BRINP3: variants seen among roughly 807,000 people sequenced by gnomAD.
The protein encoded by BRINP3 is BMP/retinoic acid-inducible neural-specific protein 3.
BRINP3 carries 19 observed loss-of-function variants against 71.0 expected under a neutral mutation model. The ratio of observed to expected loss-of-function variants is 0.27; its 90% CI spans 0.19 to 0.39. The LOEUF is 0.39. BRINP3 is among the 10% of genes least tolerant of loss of function. BRINP3 has a pLI of 1.00. For synonymous variants in BRINP3, 380 were observed against 337.7 expected (o/e 1.13, Z -1.37); for missense variants, 959 against 940.8 (o/e 1.02, Z -0.25).
intron 6 of BRINP3, among the ~76,000 whole-genome samples, chr1:190,170,146 T>A (rs1281646994): frequency 6.6e-6 from 1 of 152,160 alleles, no homozygotes; most frequent in Non-Finnish European, 1.5e-5. Flanking sequence ...AATATTATCA[T>A]ATTCAATCTC....
At chr1:190,341,841 T>A (rs1667678137) in intron 2 of BRINP3, among the ~76,000 whole-genome samples, 1 of 151,894 alleles carries the variant, frequency 6.6e-6, no homozygotes, top group Admixed American at 6.6e-5. Context: ...TGCAGTGTAT[T>A]TGTTTCCTGT....
chr1:190,288,631 T>C (rs1196076154), intron 2 of BRINP3, among the ~76,000 whole-genome samples: 1 of 152,014 alleles, frequency 6.6e-6, no homozygotes, highest in Admixed American at 6.6e-5. Flanking sequence ...GTAAAATTTG[T>C]AAAACTTAAC....
intron 2 of BRINP3, among the ~76,000 whole-genome samples, chr1:190,357,784 A>G (rs1668834876): frequency 6.6e-6 from 1 of 151,988 alleles, no homozygotes; most frequent in Non-Finnish European, 1.5e-5. Context: ...CACGATATTG[A>G]TTCTTCCTAT....
chr1:190,179,960 C>A (rs1652884241), intron 6 of BRINP3, among the ~76,000 whole-genome samples: 1 of 152,082 alleles, frequency 6.6e-6, no homozygotes, highest in African/African-American at 2.4e-5. Context: ...TGGGTTTGTA[C>A]TACTCATTTT....
intron 7 of BRINP3, among the ~76,000 whole-genome samples, chr1:190,159,825 A>C (rs536737436): frequency 8.4e-4 from 128 of 152,158 alleles, no homozygotes; most frequent in Non-Finnish European, 1.4e-3. Flanking sequence ...AACCAACCAA[A>C]CAAACAAAAA....
At chr1:190,221,216 TCAAA>T (rs977841311) in intron 6 of BRINP3, among the ~76,000 whole-genome samples, 1 of 152,082 alleles carries the variant, frequency 6.6e-6, no homozygotes. Context: ...AGACTCCATC[TCAAA>T]CAAACAAACA....
rs542140064 is a variant in BRINP3, at chr1:190,296,860, T to A, written c.237-15110A>T. ...TAAATTTAACCAAATAAGTAAAAAA[T>A]TTGTACACTGGAAATCATAAGGCAC... On this transcript the variant is annotated intron_variant, in intron 2 of 7. Transcript: ENST00000367462. Among the ~76,000 whole-genome samples the A allele has an allele frequency of 8.8e-4, 134 of 151,902 alleles. 1 individual carries two copies. Among genetic ancestry groups the A allele is most frequent in the African/African-American group, 3.1e-3 (130 of 41,446 alleles).
Position 190,098,037 on chromosome 1 carries a change from G to C in BRINP3, c.2282C>G (p.Thr761Arg). Reference protein sequence around the residue: ...AKLPNTMDYDTTKLCS With the variant: ...AKLPNTMDYDRTKLCS Reference sequence around the variant, plus strand: ...TTATGGTTAACTACATAATTTGGTCGTGTCATAATCCATTGTGTTTGGCAA... The same window carrying C: ...TTATGGTTAACTACATAATTTGGTCCTGTCATAATCCATTGTGTTTGGCAA... Residue 761 changes from threonine to arginine, a missense_variant, in exon 8 of 8, where the codon ACG becomes AGG. Coordinates refer to ENST00000367462, the MANE Select transcript of BRINP3 (RefSeq NM_199051.3). The C allele has an allele frequency of 6.2e-7, 1 of 1,605,958 alleles. No individual in the cohort carries two copies. The highest frequency in any genetic ancestry group is 8.5e-7 in the Non-Finnish European group (1 of 1,176,170).
chr1:190,356,289 C>G (rs933731159), intron 2 of BRINP3, among the ~76,000 whole-genome samples: 1 of 151,886 alleles, frequency 6.6e-6, no homozygotes, highest in Admixed American at 6.6e-5. Flanking sequence ...TAACTATCCT[C>G]TTTTGTAGTC....
intron 2 of BRINP3, among the ~76,000 whole-genome samples, chr1:190,374,277 G>T (rs1300224371): frequency 2.0e-5 from 3 of 151,986 alleles, no homozygotes; most frequent in Admixed American, 6.6e-5. Context: ...TTTGTGAAAA[G>T]AAATCTATCT....
chr1:190,219,789 G>A (rs1175070411), intron 6 of BRINP3, among the ~76,000 whole-genome samples: 1 of 151,284 alleles, frequency 6.6e-6, no homozygotes, highest in Non-Finnish European at 1.5e-5. Flanking sequence ...AGTGAGCCAA[G>A]ATCTCACCAC....
At chr1:190,356,008 C>T (rs542233596) in intron 2 of BRINP3, among the ~76,000 whole-genome samples, 3 of 152,030 alleles carry the variant, frequency 2.0e-5, no homozygotes, top group South Asian at 2.1e-4. Context: ...GCTATATATT[C>T]GCCTACATGT....
chr1:190,407,811 A>C (rs1210713932), intron 2 of BRINP3, among the ~76,000 whole-genome samples: 1 of 152,142 alleles, frequency 6.6e-6, no homozygotes, highest in Non-Finnish European at 1.5e-5. Flanking sequence ...ATAAACAAAA[A>C]GTCAATATCA....
At chr1:190,404,513 A>C (rs975146892) in intron 2 of BRINP3, among the ~76,000 whole-genome samples, 5 of 152,304 alleles carry the variant, frequency 3.3e-5, no homozygotes, top group East Asian at 1.9e-4. Flanking sequence ...AAAGTGTTTT[A>C]ATATTTTCAC....
intron 7 of BRINP3, among the ~76,000 whole-genome samples, chr1:190,149,544 ATTG>A (rs1033181967): frequency 3.9e-5 from 6 of 151,998 alleles, no homozygotes; most frequent in African/African-American, 1.4e-4. Flanking sequence ...TATTAAATAT[ATTG>A]TTGAGGGAGC....
chr1:190,465,086 A>G (rs1311429614), intron 1 of BRINP3, among the ~76,000 whole-genome samples: 1 of 151,990 alleles, frequency 6.6e-6, no homozygotes, highest in Non-Finnish European at 1.5e-5. Context: ...TCGGCCCAGC[A>G]CATAGGGGAA....
intron 1 of BRINP3, among the ~76,000 whole-genome samples, chr1:190,476,251 TAAA>T (rs58413136): frequency 7.0e-6 from 1 of 142,234 alleles, no homozygotes. Context: ...TCCCAGAAAT[TAAA>T]AAAAAAAAAA....
intron 2 of BRINP3, among the ~76,000 whole-genome samples, chr1:190,335,347 T>C (rs1437229362): frequency 1.3e-5 from 2 of 151,850 alleles, no homozygotes; most frequent in Non-Finnish European, 2.9e-5. Flanking sequence ...CCTTAAAAGA[T>C]GGAGTGACTC....
intron 2 of BRINP3, among the ~76,000 whole-genome samples, chr1:190,451,695 A>T (rs1675617581): frequency 6.6e-6 from 1 of 152,170 alleles, no homozygotes; most frequent in African/African-American, 2.4e-5. Context: ...CTTTAAATAT[A>T]CACAAGTTTA....
Sources: allele counts gnomAD v4.1 joint callset (sites outside exome capture counted in the v4.1 genomes callset), GRCh38; gene constraint gnomAD v4.1.1; transcripts MANE v1.5; gene names NCBI Gene and HGNC (gene_info 2026-07-23, HGNC 2026-07-21).